The following ZMAT3 variants were observed in gnomAD, a reference collection of about 807,000 sequenced individuals.
The protein encoded by ZMAT3 is zinc finger matrin-type 3, also known as zinc finger matrin-type protein 3.
In ZMAT3, 17 loss-of-function variants were observed where a neutral mutation model predicts 32.3. The observed-to-expected ratio is 0.53, with a 90% CI of 0.36 to 0.79. The LOEUF (loss-of-function observed/expected upper bound fraction) is 0.79. ZMAT3 is among the 30% of genes least tolerant of loss of function. The probability of loss-of-function intolerance (pLI) is 0.00; values close to 1 mark genes in which losing one functional copy is unlikely to be tolerated. For missense variants in ZMAT3, 329 were observed against 359.7 expected, an observed-to-expected ratio of 0.91 and a Z score of 0.69; for synonymous variants, 120 against 133.1, an observed-to-expected ratio of 0.90 and a Z score of 0.68.
At chr3:179,055,212 GC>G (rs1720774676) in intron 2 of ZMAT3, among the ~76,000 whole-genome samples, 1 of 152,108 alleles carries the variant, frequency 6.6e-6, no homozygotes. Flanking sequence ...ACACTCAGAC[GC>G]TAAGAAAGAA....
chr3:179,023,144 T>C lies in ZMAT3; in HGVS notation c.*1873A>G, dbSNP rs533974224. On this transcript the variant is annotated 3_prime_UTR_variant, in exon 6 of 6. Transcript: ENST00000311417. ...TCACAGAGCACTCCATTAGTTAATC[T>C]AGATATATATTATAGCTTCTTTTTT... 1 of 148,288 alleles carries C rather than the reference T, an allele frequency of 6.7e-6. No individual in the cohort carries two copies. The highest frequency in any genetic ancestry group is 2.5e-5 in the African/African-American group (1 of 40,020). The allele number at this position is 148,288 out of a possible 1,614,324, so 9.2% of individuals were successfully genotyped here. A position where few individuals can be genotyped will look rare whatever the true frequency, so the allele number is the denominator to read the frequency against.
chr3:179,053,765 A>C (rs1720693172), intron 2 of ZMAT3, among the ~76,000 whole-genome samples: 1 of 152,212 alleles, frequency 6.6e-6, no homozygotes, highest in Non-Finnish European at 1.5e-5. Context: ...AAACAAGCCC[A>C]AATTTGGGAC....
chr3:179,025,094 A>G lies in ZMAT3; in HGVS notation c.793T>C (p.Leu265=). The change falls in exon 6 of 6, where the codon TTA becomes CTA. Residue 265 remains leucine (L), a synonymous_variant. Coordinates refer to ENST00000311417, the MANE Select transcript of ZMAT3 (RefSeq NM_022470.4). The part of the protein sequence containing the change: ...AGEEMEFRQH[L]ESKQHKSKVS... ...TTGCTCTTATGTTGCTTGCTCTCTA[A>G]ATGCTGCCGGAATTCCATCTCTTCG... The G allele has an allele frequency of 6.2e-7, 1 of 1,614,206 alleles. No individual in the cohort carries two copies. Among genetic ancestry groups the G allele is most frequent in the Non-Finnish European group, 8.5e-7 (1 of 1,180,034 alleles).
chr3:179,027,353 T>C, intron 5 of ZMAT3, 70 bp downstream of exon 5: 2 of 1,379,278 alleles, frequency 1.5e-6, no homozygotes, highest in South Asian at 2.6e-5. Context: ...TCTATTATCA[T>C]TAAAAGAAAT....
intron 2 of ZMAT3, among the ~76,000 whole-genome samples, chr3:179,065,786 ATCC>A (rs1721382789): frequency 6.6e-6 from 1 of 152,108 alleles, no homozygotes; most frequent in African/African-American, 2.4e-5. Flanking sequence ...TGTGCCTGTA[ATCC>A]CAGCTACTCG....
intron 2 of ZMAT3, 68 bp from the exon 3 acceptor site, chr3:179,031,067 T>A: frequency 6.9e-7 from 1 of 1,450,724 alleles, no homozygotes. Flanking sequence ...TTCAGTTAGC[T>A]ATGGTCAACT....
chr3:179,033,499 A>C (rs898022540), intron 2 of ZMAT3, among the ~76,000 whole-genome samples: 17 of 150,894 alleles, frequency 1.1e-4, no homozygotes, highest in Middle Eastern at 3.4e-3. Flanking sequence ...TAAATACTAA[A>C]AAAATTTTAA....
chr3:179,041,459 G>A (rs1267692316), intron 2 of ZMAT3, among the ~76,000 whole-genome samples: 9 of 152,216 alleles, frequency 5.9e-5, no homozygotes, highest in Non-Finnish European at 2.9e-5. Flanking sequence ...CATGGAAACT[G>A]AACAACTTGC....
rs960466279 is a variant in ZMAT3 at position 179,024,932 on chromosome 3, A to T, written c.*85T>A. 813 of 1,282,440 alleles carry T rather than the reference A, an allele frequency of 6.3e-4. 1 individual carries two copies. Among genetic ancestry groups the T allele is most frequent in the Non-Finnish European group, 8.4e-4 (747 of 887,772 alleles). 79.4% of individuals were successfully genotyped at this position (1,282,440 alleles called of 1,614,324 possible). A position where few individuals can be genotyped will look rare whatever the true frequency, so the allele number is the denominator to read the frequency against. ...TAACATTAAGCAGAGGAATGTACTC[A>T]TATCAAAAAGACCACAAAGCAGGGC... On this transcript the variant is annotated 3_prime_UTR_variant, in exon 6 of 6. Coordinates refer to ENST00000311417, the MANE Select transcript of ZMAT3 (RefSeq NM_022470.4).
At chr3:179,035,771 GATA>G (rs1719555334) in intron 2 of ZMAT3, among the ~76,000 whole-genome samples, 1 of 152,104 alleles carries the variant, frequency 6.6e-6, no homozygotes, top group Admixed American at 6.5e-5. Context: ...TTATAATGAA[GATA>G]ATAAACTGCT....
chr3:179,039,550 C>T lies in ZMAT3; in HGVS notation c.271-8551G>A, dbSNP rs148651307. 4.4e-4 allele frequency among the ~76,000 whole-genome samples: 67 copies of T among 152,278 alleles called. No individual in the cohort carries two copies. In the East Asian group the frequency reaches 0.012, roughly 26 times the overall value. On this transcript the variant is annotated intron_variant, in intron 2 of 5. Coordinates refer to ENST00000311417, the MANE Select transcript of ZMAT3 (RefSeq NM_022470.4). ...ATAGCATCAACATCAACAAAAAGAA[C>T]GTCTACACCAAAACCCCATCTGTAG... is the stretch of plus-strand genomic sequence containing the variant.
chr3:179,036,313 A>G (rs1256424117), intron 2 of ZMAT3, among the ~76,000 whole-genome samples: 1 of 152,216 alleles, frequency 6.6e-6, no homozygotes, highest in Non-Finnish European at 1.5e-5. Context: ...AAAATCAGAT[A>G]GTATGTTATC....
intron 2 of ZMAT3, among the ~76,000 whole-genome samples, chr3:179,065,092 G>A (rs1721339167): frequency 1.3e-5 from 2 of 152,106 alleles, no homozygotes; most frequent in African/African-American, 2.4e-5. Flanking sequence ...CTTTGCTTCT[G>A]AAGTCTTAGC....
At chr3:179,054,140 G>A (rs1039033140) in intron 2 of ZMAT3, among the ~76,000 whole-genome samples, 5 of 152,148 alleles carry the variant, frequency 3.3e-5, no homozygotes, top group Middle Eastern at 3.4e-3. Context: ...AATAAAACTC[G>A]GCCAATGCCA....
At chr3:179,031,693 G>A (rs1254852966) in intron 2 of ZMAT3, among the ~76,000 whole-genome samples, 2 of 152,080 alleles carry the variant, frequency 1.3e-5, no homozygotes, top group East Asian at 1.9e-4. Context: ...GATGACCTGA[G>A]GTCAGGAGTT....
chr3:179,029,250 A>G (rs1719051277), intron 3 of ZMAT3, among the ~76,000 whole-genome samples: 2 of 152,284 alleles, frequency 1.3e-5, no homozygotes, highest in South Asian at 4.2e-4. Flanking sequence ...TAAGCTTCTA[A>G]TAAACTTCAG....
intron 2 of ZMAT3, 30 bp downstream of exon 2, chr3:179,067,453 T>C: frequency 6.2e-7 from 1 of 1,609,868 alleles, no homozygotes; most frequent in Non-Finnish European, 8.5e-7. Context: ...TTCACCCTAC[T>C]CAATGCCTGG....
chr3:179,023,227 T>C lies in ZMAT3; in HGVS notation c.*1790A>G, dbSNP rs1055265940. The C allele has an allele frequency of 1.3e-5, 2 of 151,804 alleles. No individual in the cohort carries two copies. Among genetic ancestry groups the C allele is most frequent in the African/African-American group, 2.4e-5 (1 of 41,356 alleles). 9.4% of individuals were successfully genotyped at this position (151,804 alleles called of 1,614,324 possible). A position where few individuals can be genotyped will look rare whatever the true frequency, so the allele number is the denominator to read the frequency against. On this transcript the variant is annotated 3_prime_UTR_variant, in exon 6 of 6. Transcript: ENST00000311417. ...CCCAGACTGGAGTGCAGTGGCACGATTCTTGGCTGACTGCAACCTCCACCT... is the reference window on the plus strand; with the variant it reads ...CCCAGACTGGAGTGCAGTGGCACGACTCTTGGCTGACTGCAACCTCCACCT...
intron 2 of ZMAT3, among the ~76,000 whole-genome samples, chr3:179,040,091 C>T (rs1719833483): frequency 6.6e-6 from 1 of 151,980 alleles, no homozygotes. Flanking sequence ...GTGAAAAGAC[C>T]AAATCTACGT....
Sources: gnomAD v4.1 joint callset for allele counts (sites outside exome capture counted in the v4.1 genomes callset) on GRCh38, gnomAD v4.1.1 for gene constraint, MANE v1.5 for transcripts, NCBI Gene and HGNC (gene_info 2026-07-23, HGNC 2026-07-21) for gene names.